The following CR1 variants were observed in gnomAD, a reference collection of about 807,000 sequenced individuals.
CR1 encodes complement receptor type 1.
A neutral mutation model predicts 187.3 loss-of-function variants in CR1; 116 were observed. The ratio of observed to expected loss-of-function variants is 0.62; its 90% CI spans 0.53 to 0.72. The LOEUF is 0.72. CR1 is among the 30% of genes least tolerant of loss of function. The pLI is 0.00. For synonymous variants in CR1, 576 were observed against 747.1 expected (o/e 0.77, Z 3.73); for missense variants, 1,731 against 2,110.7 (o/e 0.82, Z 3.52).
At chr1:207,619,051 A>AAGG (rs67598850) in intron 42 of CR1, among the ~76,000 whole-genome samples, 1 of 50,360 alleles carries the variant, frequency 2.0e-5, no homozygotes, top group Admixed American at 2.7e-4. Flanking sequence ...AAAAAAAAAA[A>AAGG]AAAAGAAAAG....
At chr1:207,521,686 A>G (rs1283540916) in intron 4 of CR1, among the ~76,000 whole-genome samples, 3 of 124,798 alleles carry the variant, frequency 2.4e-5, no homozygotes, top group Non-Finnish European at 4.7e-5. Context: ...AGGTTGGAGC[A>G]CAGTAGCATA....
At chr1:207,566,630 G>A (rs954020688) in intron 24 of CR1, among the ~76,000 whole-genome samples, 10 of 150,282 alleles carry the variant, frequency 6.7e-5, no homozygotes, top group East Asian at 3.9e-4. Flanking sequence ...AGCAGTTTGA[G>A]ACTCCTTAAA....
intron 1 of CR1, among the ~76,000 whole-genome samples, chr1:207,496,996 G>A (rs1448195946): frequency 6.6e-6 from 1 of 152,146 alleles, no homozygotes; most frequent in East Asian, 1.9e-4. Flanking sequence ...CAGTCCTAGG[G>A]ATGCAGGTGT....
chr1:207,496,979 A>G (rs1659108494), intron 1 of CR1, among the ~76,000 whole-genome samples: 1 of 152,164 alleles, frequency 6.6e-6, no homozygotes, highest in Admixed American at 6.5e-5. Context: ...AATGGTGTTT[A>G]GACAAGCAGT....
rs529566156 is a variant in CR1, at chr1:207,616,698, C to A, written c.6785C>A (p.Thr2262Asn). The change falls in exon 41 of 47, where the codon ACC becomes AAC. Residue 2262 changes from threonine to asparagine, a missense_variant. Thr to Asn is a moderately conservative substitution (Grantham distance 65, BLOSUM62 0). Around this residue, in one of 5 missense-constraint regions of CR1, gnomAD observed 1,312 missense variants for 1,379.6 expected, o/e 0.95. Coordinates refer to ENST00000367049, the MANE Select transcript of CR1 (RefSeq NM_000651.6). ...GACACCCACCCAGACAGAGGGATGA[C>A]CTTCAACCTCATTGGGGAGAGCTCC... Reference protein sequence around the residue: ...ACDTHPDRGMTFNLIGESSIR... With the variant: ...ACDTHPDRGMNFNLIGESSIR... 1.2e-6 allele frequency: 2 copies of A among 1,613,938 alleles called. No individual in the cohort carries two copies. Among genetic ancestry groups the A allele is most frequent in the Non-Finnish European group, 1.7e-6 (2 of 1,179,896 alleles).
At chr1:207,630,701 T>A in intron 46 of CR1, 80 bp downstream of exon 46, 1 of 935,374 alleles carries the variant, frequency 1.1e-6, no homozygotes, top group Non-Finnish European at 1.6e-6. Context: ...AATATGATAT[T>A]GCACTAGGTA....
chr1:207,603,065 G>A (rs1051004042), intron 35 of CR1, among the ~76,000 whole-genome samples: 3 of 152,036 alleles, frequency 2.0e-5, no homozygotes, highest in Non-Finnish European at 4.4e-5. Flanking sequence ...CCCTGAATTA[G>A]TATGCAAATT....
At chr1:207,516,638 C>G (rs1401837534) in intron 4 of CR1, among the ~76,000 whole-genome samples, 6 of 151,930 alleles carry the variant, frequency 3.9e-5, no homozygotes, top group Non-Finnish European at 8.8e-5. Context: ...TATGATATAT[C>G]CTCCCATTTT....
rs751332275 is a variant in CR1, at chr1:207,565,943, T to C, written c.3952+20T>C. On this transcript the variant is annotated intron_variant, in intron 24 of 46. Coordinates refer to ENST00000367049, the MANE Select transcript of CR1 (RefSeq NM_000651.6). Reference sequence around the variant, plus strand: ...GTGAACGTGAGTAATAGGAGCAACATTTCAGGCCAATCTCTCCCCTTCATC... The same window carrying C: ...GTGAACGTGAGTAATAGGAGCAACACTTCAGGCCAATCTCTCCCCTTCATC... 9 of 1,610,800 alleles carry C rather than the reference T, an allele frequency of 5.6e-6. No individual in the cohort carries two copies. In the Admixed American group the frequency reaches 6.7e-5, roughly 12 times the overall value.
At chr1:207,598,453 C>T (rs1661510569) in intron 35 of CR1, among the ~76,000 whole-genome samples, 1 of 150,872 alleles carries the variant, frequency 6.6e-6, no homozygotes, top group Admixed American at 6.6e-5. Context: ...TGGAGTCTCG[C>T]TCTGTCACCA....
chr1:207,511,018 C>T (rs1275624349), intron 3 of CR1, among the ~76,000 whole-genome samples: 3 of 151,812 alleles, frequency 2.0e-5, no homozygotes, highest in African/African-American at 7.3e-5. Context: ...GACAGCTTCT[C>T]ACTATATTGC....
chr1:207,632,797 C>CAAAAAAAAAAAA (rs55649027), intron 46 of CR1, among the ~76,000 whole-genome samples: 17 of 107,636 alleles, frequency 1.6e-4, no homozygotes, highest in African/African-American at 7.5e-4. Flanking sequence ...GACTCCGTCT[C>CAAAAAAAAAAAA]AAAAAAAAAA....
intron 4 of CR1, among the ~76,000 whole-genome samples, chr1:207,516,791 A>G (rs1659821892): frequency 6.6e-6 from 1 of 152,066 alleles, no homozygotes. Context: ...CACCTGTTTC[A>G]TCTCAGCTCC....
rs1662926426 is a variant in CR1, at chr1:207,639,796, C to T, written c.*387C>T. On this transcript the variant is annotated 3_prime_UTR_variant, in exon 47 of 47. Coordinates refer to ENST00000367049, the MANE Select transcript of CR1 (RefSeq NM_000651.6). The stretch of plus-strand genomic sequence containing the variant: ...TATGGAATGGGCTCAGTAAGAAGAG[C>T]TTGGAAAATGCAGAAAGTTATGAAA... The T allele has an allele frequency of 6.1e-6, 1 of 165,182 alleles. No individual in the cohort carries two copies. The highest frequency in any genetic ancestry group is 2.4e-5 in the African/African-American group (1 of 42,026). 10.2% of individuals were successfully genotyped at this position (165,182 alleles called of 1,614,324 possible).
rs554133188 is a variant in CR1, at chr1:207,506,726, G to A, written c.314G>A (p.Arg105His). The change falls in exon 3 of 47, where the codon CGT (arginine) becomes CAT (histidine). Residue 105 changes from arginine to histidine, a missense_variant. Physicochemically the swap from Arg to His is conservative, Grantham distance 29. Coordinates refer to ENST00000367049, the MANE Select transcript of CR1 (RefSeq NM_000651.6). ...TTCTTTCCTGTAGGTAAATCATGTC[G>A]TAATCCTCCAGATCCTGTGAATGGC... ...AKDRCRRKSC[R>H]NPPDPVNGMV... The A allele has an allele frequency of 5.3e-5, 86 of 1,613,338 alleles. No individual in the cohort carries two copies. The highest frequency in any genetic ancestry group is 1.6e-4 in the Middle Eastern group (1 of 6,062).
At chr1:207,565,719 T>C in intron 23 of CR1, 119 bp from the exon 24 acceptor site, 9 of 1,347,950 alleles carry the variant, frequency 6.7e-6, no homozygotes, top group Non-Finnish European at 9.4e-6. Flanking sequence ...CCTGTGCAAC[T>C]CTGCCATCTG....
chr1:207,635,298 G>T (rs1195907586), intron 46 of CR1, among the ~76,000 whole-genome samples: 1 of 152,096 alleles, frequency 6.6e-6, no homozygotes, highest in South Asian at 2.1e-4. Context: ...ATCATTAATG[G>T]GTGTTTCTCG....
chr1:207,603,736 T>G (rs2102376109), intron 35 of CR1, among the ~76,000 whole-genome samples: 1 of 152,320 alleles, frequency 6.6e-6, no homozygotes, highest in South Asian at 2.1e-4. Context: ...GGTTGCATTT[T>G]GGTTATTACT....
rs370818459 is a variant in CR1 at position 207,592,572 on chromosome 1, A to G, written c.5810+3798A>G. On this transcript the variant is annotated intron_variant, in intron 35 of 46. Transcript: ENST00000367049. ...CCCTCTCTCACCACTCCTATTCAAC[A>G]TAGTATTGGAAGCTCTGGCCAGGGC... Among the ~76,000 whole-genome samples the G allele has an allele frequency of 2.0e-5, 3 of 152,346 alleles. No homozygotes were observed. In the East Asian group the frequency reaches 5.8e-4, roughly 29 times the overall value.
Sources: allele counts gnomAD v4.1 joint callset (sites outside exome capture counted in the v4.1 genomes callset), GRCh38; gene constraint gnomAD v4.1.1; regional missense constraint gnomAD v4.1.1; transcripts MANE v1.5; gene names NCBI Gene and HGNC (gene_info 2026-07-23, HGNC 2026-07-21).